DAP3: variants seen among roughly 807,000 people sequenced by gnomAD.
The protein encoded by DAP3 is death associated protein 3, also known as small ribosomal subunit protein mS29.
In DAP3, 28 loss-of-function variants were observed where a neutral mutation model predicts 51.9. That is an observed-to-expected ratio of 0.54 (90% CI 0.40 to 0.74). DAP3 has a LOEUF of 0.74. DAP3 is among the 30% of genes least tolerant of loss of function. The pLI, the probability that DAP3 is intolerant of heterozygous loss-of-function variation, is 0.00. For synonymous variants in DAP3, 170 were observed against 170.3 expected (o/e 1.00, Z 0.01); for missense variants, 458 against 483.5 (o/e 0.95, Z 0.49).
chr1:155,727,657 C>T lies in DAP3; in HGVS notation c.522C>T (p.Asn174=). 6.2e-7 allele frequency: 1 copy of T among 1,613,640 alleles called. No homozygotes were observed. Residue 174 remains asparagine (N), a synonymous_variant, in exon 7 of 13, where the codon AAC becomes AAT. Coordinates refer to ENST00000368336, the MANE Select transcript of DAP3 (RefSeq NM_004632.4). ...GGGATCTTCTGCAGTCCAGCTACAA[C>T]AAACAGCGCTTTGATCAACCTTTAG... ...NCRDLLQSSY[N]KQRFDQPLEA...
intron 2 of DAP3, among the ~76,000 whole-genome samples, chr1:155,711,244 G>T (rs1656657439): frequency 6.6e-6 from 1 of 152,212 alleles, no homozygotes; most frequent in African/African-American, 2.4e-5. Context: ...TGTAATCCCA[G>T]CACTTTGGGA....
rs59322867 is a variant in DAP3, at chr1:155,729,015, G to T, written c.604-27G>T. ...CTTAGGCCAAGTAGCCTTTTTTTTG[G>T]TTTTTATTTTCTTTGCTTGCTTTTA... On this transcript the variant is annotated intron_variant, in intron 7 of 12. Coordinates refer to ENST00000368336, the MANE Select transcript of DAP3 (RefSeq NM_004632.4). 8.8e-4 allele frequency: 1,408 copies of T among 1,603,938 alleles called. 8 individuals are homozygous for T. In the African/African-American group the frequency reaches 0.016, roughly 19 times the overall value.
upstream of DAP3, chr1:155,688,732 C>T: frequency 6.6e-7 from 1 of 1,518,330 alleles, no homozygotes; most frequent in South Asian, 1.2e-5. Context: ...CGCACGGCCA[C>T]CAACCGCCGC....
upstream of DAP3, chr1:155,689,042 G>T: frequency 6.4e-7 from 1 of 1,563,216 alleles, no homozygotes; most frequent in Non-Finnish European, 8.7e-7. Context: ...TGGAGGCCGC[G>T]GCGGCTGCGC....
At chr1:155,704,602 A>G (rs1428028200) in intron 1 of DAP3, among the ~76,000 whole-genome samples, 1 of 152,194 alleles carries the variant, frequency 6.6e-6, no homozygotes, top group African/African-American at 2.4e-5. Context: ...CTTATTCACC[A>G]CTATAGACTC....
At chr1:155,736,553 G>T in intron 11 of DAP3, 1 of 245,040 alleles carries the variant, frequency 4.1e-6, no homozygotes, top group Non-Finnish European at 8.0e-6. Context: ...AGTACCTGGG[G>T]CTAGAGGCAC....
intron 1 of DAP3, among the ~76,000 whole-genome samples, chr1:155,694,613 C>T (rs910623483): frequency 1.6e-5 from 2 of 122,910 alleles, no homozygotes; most frequent in East Asian, 1.9e-4. Flanking sequence ...AATGTTCATT[C>T]GAGCCATCAG....
intron 1 of DAP3, among the ~76,000 whole-genome samples, chr1:155,704,944 A>C (rs1444536454): frequency 6.6e-6 from 1 of 151,990 alleles, no homozygotes; most frequent in Non-Finnish European, 1.5e-5. Flanking sequence ...ATGCCACTGC[A>C]CTCCAGCCTG....
Position 155,691,295 on chromosome 1 carries a change from C to T in DAP3, c.-8+2121C>T, listed in dbSNP as rs149979810. Among the ~76,000 whole-genome samples, 12 of 141,924 alleles carry T rather than the reference C, an allele frequency of 8.5e-5. 1 individual carries two copies. Among genetic ancestry groups the T allele is most frequent in the Admixed American group, 2.0e-4 (3 of 15,126 alleles). 93.1% of individuals were successfully genotyped at this position (141,924 alleles called of 152,430 possible). On this transcript the variant is annotated intron_variant, in intron 1 of 12. Transcript: ENST00000368336. ...TCCATTCCTCCCTCCCATTGCCTCT[C>T]GCAACCACTAAATCAGTTTATGTAA...
chr1:155,702,844 C>G (rs1655483355), intron 1 of DAP3, among the ~76,000 whole-genome samples: 1 of 152,102 alleles, frequency 6.6e-6, no homozygotes, highest in Non-Finnish European at 1.5e-5. Flanking sequence ...GTGGTGGGCA[C>G]CTGTAATCCC....
chr1:155,716,051 A>G (rs140985368), intron 2 of DAP3, among the ~76,000 whole-genome samples: 1 of 152,330 alleles, frequency 6.6e-6, no homozygotes, highest in Non-Finnish European at 1.5e-5. Context: ...TTTGACAACC[A>G]TTCATCGCTG....
intron 6 of DAP3, among the ~76,000 whole-genome samples, chr1:155,726,529 T>C (rs533730542): frequency 6.6e-6 from 1 of 151,832 alleles, no homozygotes; most frequent in African/African-American, 2.4e-5. Context: ...TGACTTCAGG[T>C]GATCCACCTG....
chr1:155,716,727 C>T (rs1316744339), intron 2 of DAP3, among the ~76,000 whole-genome samples: 1 of 152,020 alleles, frequency 6.6e-6, no homozygotes, highest in Non-Finnish European at 1.5e-5. Flanking sequence ...GGGCAGATCA[C>T]CTGAGTTCAG....
At chr1:155,721,485 C>G (rs1425110750) in intron 3 of DAP3, 32 bp from the exon 4 acceptor site, 1 of 1,609,198 alleles carries the variant, frequency 6.2e-7, no homozygotes, top group Admixed American at 1.7e-5. Flanking sequence ...CACTTTGTCA[C>G]CATTATACCT....
chr1:155,731,863 A>G (rs1292640688), intron 10 of DAP3, 81 bp from the exon 11 acceptor site: 1 of 1,429,594 alleles, frequency 7.0e-7, no homozygotes, highest in Admixed American at 2.6e-5. Flanking sequence ...CCAAGAAAGA[A>G]AAAAAAAATC....
chr1:155,688,479 A>T (rs41264947), upstream of DAP3: 1 of 1,549,644 alleles, frequency 6.5e-7, no homozygotes, highest in Non-Finnish European at 8.7e-7. Context: ...CGCGCACGTC[A>T]GCCCGCACGC....
At chr1:155,705,448 T>A (rs1343132332) in intron 1 of DAP3, among the ~76,000 whole-genome samples, 58 of 146,292 alleles carry the variant, frequency 4.0e-4, no homozygotes, top group South Asian at 6.5e-4. Context: ...AAAAAAAAAA[T>A]TTTTTTTTTA....
intron 1 of DAP3, among the ~76,000 whole-genome samples, chr1:155,693,900 G>T (rs1460271716): frequency 7.1e-6 from 1 of 141,060 alleles, no homozygotes; most frequent in Non-Finnish European, 1.5e-5. Flanking sequence ...GGCGGAGGTT[G>T]CAGTGAGCTG....
At chr1:155,716,917 C>T in intron 2 of DAP3, 89 bp from the exon 3 acceptor site, 1 of 1,535,702 alleles carries the variant, frequency 6.5e-7, no homozygotes, top group Non-Finnish European at 8.7e-7. Context: ...CATTGCACTC[C>T]AGCTTGGGCA....
Sources: gnomAD v4.1 joint callset for allele counts (sites outside exome capture counted in the v4.1 genomes callset) on GRCh38, gnomAD v4.1.1 for gene constraint, MANE v1.5 for transcripts, NCBI Gene and HGNC (gene_info 2026-07-23, HGNC 2026-07-21) for gene names.